The following TBKBP1 variants were observed in gnomAD, a reference collection of about 807,000 sequenced individuals.
TBKBP1 encodes the protein TANK-binding kinase 1-binding protein 1.
A neutral mutation model predicts 69.9 loss-of-function variants in TBKBP1; 47 were observed. The observed-to-expected ratio is 0.67, with a 90% confidence interval of 0.53 to 0.86. TBKBP1 has a LOEUF of 0.86. Among genes scored for constraint, TBKBP1 ranks in the 40% least tolerant of loss-of-function variants. The probability of loss-of-function intolerance (pLI) is 0.00; values close to 1 mark genes in which losing one functional copy is unlikely to be tolerated. For synonymous variants in TBKBP1, 418 were observed against 390.3 expected, an observed-to-expected ratio of 1.07 and a Z score of -0.84; for missense variants, 831 against 858.6, an observed-to-expected ratio of 0.97 and a Z score of 0.40.
chr17:47,701,489 A>G (rs1420799398), intron 7 of TBKBP1, among the ~76,000 whole-genome samples: 1 of 152,064 alleles, frequency 6.6e-6, no homozygotes, highest in Non-Finnish European at 1.5e-5. Context: ...CCAGCAGTGA[A>G]TCTCCCTGAA....
chr17:47,703,970 G>T (rs1319431328), intron 7 of TBKBP1, among the ~76,000 whole-genome samples: 2 of 152,176 alleles, frequency 1.3e-5, no homozygotes, highest in Admixed American at 6.5e-5. Flanking sequence ...TCTGGTTCAG[G>T]TTCTTCTTCA....
Position 47,709,233 on chromosome 17 carries a change from C to A in TBKBP1, c.1500C>A (p.Gly500=), listed in dbSNP as rs2031826165. ...ACGGCAGCGAGCTCTACGGCCCTGGCAGGCCCCTCAGCCCGCGGCGCGCCT... is the reference window on the plus strand; with the variant it reads ...ACGGCAGCGAGCTCTACGGCCCTGGAAGGCCCCTCAGCCCGCGGCGCGCCT... ...RAYGSELYGP[G]RPLSPRRAFE... The change falls in exon 9 of 10, where the codon GGC becomes GGA. Residue 500 remains glycine (G), a synonymous_variant. Transcript: ENST00000578982. 1 of 1,525,518 alleles carries A rather than the reference C, an allele frequency of 6.6e-7. No homozygotes were observed. Among genetic ancestry groups the A allele is most frequent in the Non-Finnish European group, 8.7e-7 (1 of 1,145,658 alleles). The allele number at this position is 1,525,518 out of a possible 1,614,324, so 94.5% of individuals were successfully genotyped here.
In TBKBP1 at chr17:47,710,492, C is replaced by G. The variant is rs115438677; in HGVS notation, c.1720-6C>G. 4.7e-4 allele frequency: 760 copies of G among 1,605,956 alleles called. 4 individuals are homozygous for G. In the African/African-American group the frequency reaches 8.7e-3, roughly 18 times the overall value. Reference sequence around the variant, plus strand: ...GACCATAAGTGACTTCCTTCTCTCTCGACAGTTGCTGATGGAGACGGTGGG... The same window carrying G: ...GACCATAAGTGACTTCCTTCTCTCTGGACAGTTGCTGATGGAGACGGTGGG... On this transcript the variant is annotated splice_region_variant and splice_polypyrimidine_tract_variant and intron_variant, in intron 9 of 9. Transcript: ENST00000578982.
In TBKBP1 at chr17:47,708,694, TC is replaced by T. The variant is rs1240194435; in HGVS notation, c.992-25del. 2 of 1,477,258 alleles carry T rather than the reference TC, an allele frequency of 1.4e-6. No homozygotes were observed. Among genetic ancestry groups the T allele is most frequent in the South Asian group, 1.4e-5 (1 of 73,290 alleles). The allele number at this position is 1,477,258 out of a possible 1,614,324, so 91.5% of individuals were successfully genotyped here. A position where few individuals can be genotyped will look rare whatever the true frequency, so the allele number is the denominator to read the frequency against. On this transcript the variant is annotated intron_variant, in intron 8 of 9. Transcript: ENST00000578982. This position sits in a 1 kb window ranked among gnomAD's most constrained non-coding sequence, Gnocchi z 4.4. ...CTGAGGTCTTCTCTCTGCACCTTTG[TC>T]CCCCCACCCCGTCCCGGTTTCTCTT...
At chr17:47,698,408 C>T (rs967934404) in intron 4 of TBKBP1, among the ~76,000 whole-genome samples, 187 bp from the exon 5 acceptor site, 23 of 152,166 alleles carry the variant, frequency 1.5e-4, no homozygotes, top group African/African-American at 5.6e-4. Flanking sequence ...AACTTGACCT[C>T]GCCAGGGGCA....
intron 1 of TBKBP1, among the ~76,000 whole-genome samples, chr17:47,694,899 T>A (rs980283135): frequency 2.4e-5 from 2 of 82,390 alleles, no homozygotes; most frequent in East Asian, 3.9e-4. Context: ...GGGGGGGGGG[T>A]GGATTGAATT....
chr17:47,694,894 G>GGT (rs2031154589), intron 1 of TBKBP1, among the ~76,000 whole-genome samples: 1 of 151,212 alleles, frequency 6.6e-6, no homozygotes, highest in South Asian at 2.1e-4. Flanking sequence ...GCGGAGGGGG[G>GGT]GGGGTGGATT....
rs188025758 is a variant in TBKBP1 at position 47,711,817 on chromosome 17, G to A, written c.*1191G>A. ...TGGGTGGGGAGCAGTGGCCGCTACC[G>A]ACAGCGCATGTCCCGCTCTTATCCA... On this transcript the variant is annotated 3_prime_UTR_variant, in exon 10 of 10. Coordinates refer to ENST00000578982, the MANE Select transcript of TBKBP1 (RefSeq NM_001394755.1). The A allele has an allele frequency of 1.4e-4, 22 of 152,690 alleles. No homozygotes were observed. The East Asian group carries it at 2.7e-3, about 19-fold the overall frequency. The allele number at this position is 152,690 out of a possible 1,614,324, so 9.5% of individuals were successfully genotyped here. A position where few individuals can be genotyped will look rare whatever the true frequency, so the allele number is the denominator to read the frequency against.
intron 7 of TBKBP1, among the ~76,000 whole-genome samples, chr17:47,706,828 G>GACAC (rs55849029): frequency 0.27 from 36,377 of 133,906 alleles, 4,956 homozygotes; most frequent in Non-Finnish European, 0.3. Flanking sequence ...GTTAGACTTA[G>GACAC]ACACACACAC....
chr17:47,707,166 A>G (rs550970129), intron 7 of TBKBP1, among the ~76,000 whole-genome samples: 2 of 152,350 alleles, frequency 1.3e-5, no homozygotes, highest in African/African-American at 4.8e-5. Context: ...GGGAGATTCA[A>G]GGCTCTGTCC....
At chr17:47,697,724 T>C (rs1322884705) in intron 4 of TBKBP1, among the ~76,000 whole-genome samples, 2 of 151,944 alleles carry the variant, frequency 1.3e-5, no homozygotes, top group Non-Finnish European at 2.9e-5. Flanking sequence ...CTCAGCACTT[T>C]GGGAGGTTAA....
Position 47,710,481 on chromosome 17 carries a change from TC to T in TBKBP1, c.1720-15del. Reference sequence around the variant, plus strand: ...TGGGGGCTGGGGACCATAAGTGACTTCCTTCTCTCTCGACAGTTGCTGATGG... The same window carrying T: ...TGGGGGCTGGGGACCATAAGTGACTTCTTCTCTCTCGACAGTTGCTGATGG... On this transcript the variant is annotated splice_polypyrimidine_tract_variant and intron_variant, in intron 9 of 9. Transcript: ENST00000578982. The T allele has an allele frequency of 1.9e-6, 3 of 1,599,258 alleles. No individual in the cohort carries two copies. Among genetic ancestry groups the T allele is most frequent in the Middle Eastern group, 1.7e-4 (1 of 6,028 alleles).
intron 4 of TBKBP1, among the ~76,000 whole-genome samples, chr17:47,697,966 A>T (rs1041140041): frequency 5.2e-4 from 79 of 151,146 alleles, no homozygotes; most frequent in African/African-American, 1.9e-3. Flanking sequence ...AAAAAAAAAA[A>T]AAAAAAAAAT....
Position 47,708,807 on chromosome 17 carries a change from C to T in TBKBP1, c.1074C>T (p.Pro358=). 1 of 1,139,436 alleles carries T rather than the reference C, an allele frequency of 8.8e-7. No homozygotes were observed. The highest frequency in any genetic ancestry group is 1.2e-6 in the Non-Finnish European group (1 of 829,836). 70.6% of individuals were successfully genotyped at this position (1,139,436 alleles called of 1,614,324 possible). A position where few individuals can be genotyped will look rare whatever the true frequency, so the allele number is the denominator to read the frequency against. The change falls in exon 9 of 10, where the codon CCC becomes CCT. Residue 358 remains proline, a synonymous_variant. Transcript: ENST00000578982. This position sits in a 1 kb window ranked among gnomAD's most constrained non-coding sequence, Gnocchi z 4.4. ...PSPSPPARAA[P]PCPPCQSPVP... The stretch of plus-strand genomic sequence containing the variant: ...CCTCCCCGCCTGCCCGAGCGGCTCC[C>T]CCGTGCCCCCCGTGCCAGTCCCCCG...
Position 47,696,299 on chromosome 17 carries a change from G to C in TBKBP1, c.187G>C (p.Ala63Pro). Reference protein sequence around the residue: ...ERLGGLERENATLRRRLKVYE... With the variant: ...ERLGGLERENPTLRRRLKVYE... ...GCTGGGGGGCCTGGAGAGGGAGAAC[G>C]CCACCCTCCGACGCCGCCTCAAAGT... Residue 63 changes from alanine (A) to proline (P), a missense_variant, in exon 2 of 10, where the codon GCC becomes CCC. By Grantham distance (27) the Ala-to-Pro change is conservative. Transcript: ENST00000578982. 6.2e-7 allele frequency: 1 copy of C among 1,613,372 alleles called. No homozygotes were observed. Among genetic ancestry groups the C allele is most frequent in the South Asian group, 1.1e-5 (1 of 91,090 alleles).
chr17:47,710,026 TC>T (rs1371804778), intron 9 of TBKBP1, among the ~76,000 whole-genome samples: 1 of 152,146 alleles, frequency 6.6e-6, no homozygotes, highest in African/African-American at 2.4e-5. Context: ...TTTCTGTCTG[TC>T]CTGAAAGACA....
chr17:47,698,521 T>C, intron 4 of TBKBP1, 74 bp from the exon 5 acceptor site: 1 of 1,451,576 alleles, frequency 6.9e-7, no homozygotes, highest in Non-Finnish European at 9.2e-7. Flanking sequence ...TCTGCTGTAG[T>C]CTGGGGTGAT....
intron 5 of TBKBP1, 21 bp from the exon 6 acceptor site, chr17:47,699,299 C>T (rs199855194): frequency 3.9e-5 from 58 of 1,506,392 alleles, no homozygotes; most frequent in African/African-American, 1.4e-4. Context: ...GCTCGCCTGA[C>T]GTTGTCCTGT....
chr17:47,706,828 G>GAC (rs55849029), intron 7 of TBKBP1, among the ~76,000 whole-genome samples: 26,355 of 133,964 alleles, frequency 0.2, 2,692 homozygotes, highest in Middle Eastern at 0.31. Flanking sequence ...GTTAGACTTA[G>GAC]ACACACACAC....
Sources: gnomAD v4.1 joint callset for allele counts (sites outside exome capture counted in the v4.1 genomes callset) on GRCh38, gnomAD v4.1.1 for gene constraint, Gnocchi (gnomAD v3.1) non-coding constraint, MANE v1.5 for transcripts, NCBI Gene and HGNC (gene_info 2026-07-23, HGNC 2026-07-21) for gene names.